The following GZMH variants were observed in gnomAD, a reference collection of about 807,000 sequenced individuals.
The protein encoded by GZMH is granzyme H.
In GZMH, 24 loss-of-function variants were observed where a neutral mutation model predicts 20.7. The observed-to-expected ratio is 1.16, with a 90% CI of 0.84 to 1.63. The LOEUF is 1.63. Among genes scored for constraint, GZMH ranks in the 40% most tolerant of loss-of-function variants. The pLI is 0.00. For missense variants in GZMH, 344 were observed against 302.7 expected (o/e 1.14, Z -1.01); for synonymous variants, 119 against 116.1 (o/e 1.02, Z -0.16).
Position 24,607,180 on chromosome 14 carries a change from C to T in GZMH, c.566G>A (p.Gly189Glu). The change falls in exon 4 of 5, where the codon GGG (glycine) becomes GAG (glutamate). Residue 189 changes from glycine to glutamate, a missense_variant. By Grantham distance (98) the Gly-to-Glu change is moderately conservative. Transcript: ENST00000216338. ...ACCGGTCTGTGTCTTCTTTGGATCC[C>T]CCACACAAATCTCAGTGGCTCTGCT... is the stretch of plus-strand genomic sequence containing the variant. ...NYSRATEICV[G>E]DPKKTQTGFK... The T allele has an allele frequency of 6.2e-7, 1 of 1,613,884 alleles. No individual in the cohort carries two copies. Among genetic ancestry groups the T allele is most frequent in the Non-Finnish European group, 8.5e-7 (1 of 1,179,826 alleles).
rs755059088 is a variant in GZMH at position 24,607,618 on chromosome 14, T to C, written c.333A>G (p.Leu111=). Residue 111 remains leucine, a synonymous_variant, in exon 3 of 5, where the codon CTA becomes CTG. Transcript: ENST00000216338. ...TGGCAGGAGTGTGCCTCACCTGCAG[T>C]AGCATGATGTCGTTGGAGAAGTTCT... ...NPKNFSNDIM[L]LQLERKAKWT... 1.2e-6 allele frequency: 2 copies of C among 1,612,376 alleles called. No homozygotes were observed. The highest frequency in any genetic ancestry group is 3.3e-5 in the Admixed American group (2 of 60,012).
Position 24,607,632 on chromosome 14 carries a change from T to C in GZMH, c.319A>G (p.Asn107Asp). Residue 107 changes from asparagine (N) to aspartate (D), a missense_variant, in exon 3 of 5, where the codon AAC (asparagine) becomes GAC (aspartate). Coordinates refer to ENST00000216338, the MANE Select transcript of GZMH (RefSeq NM_033423.5). ...HPAYNPKNFS[N>D]DIMLLQLERK... ...CTCACCTGCAGTAGCATGATGTCGT[T>C]GGAGAAGTTCTTAGGATTATAGGCT... 6.2e-7 allele frequency: 1 copy of C among 1,612,732 alleles called. No individual in the cohort carries two copies. The highest frequency in any genetic ancestry group is 1.7e-5 in the Admixed American group (1 of 60,014).
chr14:24,608,527 G>T, intron 1 of GZMH, 115 bp from the exon 2 acceptor site: 1 of 1,170,242 alleles, frequency 8.5e-7, no homozygotes, highest in Non-Finnish European at 1.2e-6. Context: ...CAGTGAGGGA[G>T]GGGTCCTCCT....
At position 24,608,396 on chromosome 14, in the gene GZMH, G is replaced by T; in HGVS notation, c.72C>A (p.Gly24=). ...PGAGTEEIIG[G]HEAKPHSRPY... Reference sequence around the variant, plus strand: ...GGCGGGAGTGGGGCTTGGCCTCATGGCCCCCGATGATCTCCTCTGAAAGGA... The same window carrying T: ...GGCGGGAGTGGGGCTTGGCCTCATGTCCCCCGATGATCTCCTCTGAAAGGA... Residue 24 remains glycine (G), a synonymous_variant, in exon 2 of 5, where the codon GGC becomes GGA. Transcript: ENST00000216338. 2 of 1,614,078 alleles carry T rather than the reference G, an allele frequency of 1.2e-6. No homozygotes were observed. Among genetic ancestry groups the T allele is most frequent in the South Asian group, 2.2e-5 (2 of 91,078 alleles).
chr14:24,609,505 A>C, intron 1 of GZMH, 54 bp downstream of exon 1: 2 of 1,195,452 alleles, frequency 1.7e-6, no homozygotes, highest in Non-Finnish European at 2.4e-6. Context: ...GCTCATGGGT[A>C]CAGGGTATCT....
chr14:24,608,348 A>C lies in GZMH; in HGVS notation c.120T>G (p.Phe40Leu), dbSNP rs761913424. ...ACCTCTTCCGACTCTTCTCTTGCAG[A>C]AACTGAACAAAGGCCATGTAGGGGC... Reference protein sequence around the residue: ...HSRPYMAFVQFLQEKSRKRCG... With the variant: ...HSRPYMAFVQLLQEKSRKRCG... The change falls in exon 2 of 5, where the codon TTT becomes TTG. Residue 40 changes from phenylalanine to leucine, a missense_variant. Transcript: ENST00000216338. 2 of 1,614,112 alleles carry C rather than the reference A, an allele frequency of 1.2e-6. No individual in the cohort carries two copies. Among genetic ancestry groups the C allele is most frequent in the African/African-American group, 1.3e-5 (1 of 74,936 alleles).
rs1206532310 is a variant in GZMH, at chr14:24,608,163, T to G, written c.203+102A>C. The G allele has an allele frequency of 4.0e-6, 5 of 1,263,664 alleles. No homozygotes were observed. In the Admixed American group the frequency reaches 5.6e-5, roughly 14 times the overall value. 78.3% of individuals were successfully genotyped at this position (1,263,664 alleles called of 1,614,324 possible). ...GCTCCGATGAGCTTTCATGGGCTTG[T>G]GTTACCAGGAACTCTGGAAGCTCCC... On this transcript the variant is annotated intron_variant, in intron 2 of 4. Coordinates refer to ENST00000216338, the MANE Select transcript of GZMH (RefSeq NM_033423.5).
chr14:24,608,390 C>T lies in GZMH; in HGVS notation c.78G>A (p.Glu26=), dbSNP rs768037447. 3.7e-6 allele frequency: 6 copies of T among 1,614,098 alleles called. No individual in the cohort carries two copies. The African/African-American group carries it at 5.3e-5, about 14-fold the overall frequency. Residue 26 remains glutamate (E), a synonymous_variant, in exon 2 of 5, where the codon GAG becomes GAA. Transcript: ENST00000216338. The stretch of plus-strand genomic sequence containing the variant: ...TGTAGGGGCGGGAGTGGGGCTTGGC[C>T]TCATGGCCCCCGATGATCTCCTCTG... ...AGTEEIIGGH[E]AKPHSRPYMA...
intron 1 of GZMH, 32 bp downstream of exon 1, chr14:24,609,527 T>C: frequency 2.0e-6 from 3 of 1,528,894 alleles, no homozygotes; most frequent in African/African-American, 1.4e-5. Context: ...ATAAGATGGG[T>C]TCAGGCCTCT....
At chr14:24,609,365 A>G (rs2066895187) in intron 1 of GZMH, among the ~76,000 whole-genome samples, 194 bp downstream of exon 1, 1 of 152,196 alleles carries the variant, frequency 6.6e-6, no homozygotes. Flanking sequence ...GGAGAGGCTA[A>G]CACCCATTAA....
Position 24,609,564 on chromosome 14 carries a change from C to T in GZMH, c.50G>A (p.Gly17Glu), listed in dbSNP as rs1166946659. The change falls in exon 1 of 5, where the codon GGG becomes GAG. Residue 17 changes from glycine (G) to glutamate (E), a missense_variant. Physicochemically the swap from Gly to Glu is moderately conservative, Grantham distance 98. Coordinates refer to ENST00000216338, the MANE Select transcript of GZMH (RefSeq NM_033423.5). ...GAATAGGGATAGTCACTTACCTGTC[C>T]CAGCCCCAGGGGTCAGAAGAAAGGC... is the stretch of plus-strand genomic sequence containing the variant. The part of the protein sequence containing the change: ...LLAFLLTPGA[G>E]TEEIIGGHEA... The T allele has an allele frequency of 3.1e-6, 5 of 1,606,594 alleles. No homozygotes were observed. Among genetic ancestry groups the T allele is most frequent in the Non-Finnish European group, 4.3e-6 (5 of 1,175,960 alleles).
chr14:24,609,661 C>A lies in GZMH; in HGVS notation c.-48G>T. The A allele has an allele frequency of 1.4e-6, 2 of 1,407,554 alleles. No homozygotes were observed. The highest frequency in any genetic ancestry group is 1.7e-5 in the Admixed American group (1 of 57,152). The allele number at this position is 1,407,554 out of a possible 1,614,324, so 87.2% of individuals were successfully genotyped here. On this transcript the variant is annotated 5_prime_UTR_variant, in exon 1 of 5. Coordinates refer to ENST00000216338, the MANE Select transcript of GZMH (RefSeq NM_033423.5). ...TCAGAGCTGTTGGTGTTGACTCCTT[C>A]CAGAAACAAATGCTGGAGGGAGATG...
At chr14:24,608,584 A>G (rs962194191) in intron 1 of GZMH, among the ~76,000 whole-genome samples, 172 bp from the exon 2 acceptor site, 1 of 152,190 alleles carries the variant, frequency 6.6e-6, no homozygotes, top group Non-Finnish European at 1.5e-5. Flanking sequence ...GCTTTTCTGA[A>G]CTTTAAGTCT....
intron 1 of GZMH, among the ~76,000 whole-genome samples, chr14:24,608,659 T>A (rs1244100403): frequency 6.6e-6 from 1 of 152,218 alleles, no homozygotes; most frequent in Non-Finnish European, 1.5e-5. Context: ...GAAACACACA[T>A]GGAGGAAGAA....
chr14:24,607,142 A>G lies in GZMH; in HGVS notation c.597+7T>C. ...TGGTCTTTCTGGGTAGAGGCTGGAA[A>G]CCCAACCTTGAAACCGGTCTGTGTC... is the stretch of plus-strand genomic sequence containing the variant. On this transcript the variant is annotated splice_region_variant and intron_variant, in intron 4 of 4. Coordinates refer to ENST00000216338, the MANE Select transcript of GZMH (RefSeq NM_033423.5). 6.2e-7 allele frequency: 1 copy of G among 1,608,712 alleles called. No homozygotes were observed.
Position 24,606,581 on chromosome 14 carries a change from A to C in GZMH, c.*22T>G, listed in dbSNP as rs1284429242. 6.2e-7 allele frequency: 1 copy of C among 1,606,944 alleles called. No homozygotes were observed. The highest frequency in any genetic ancestry group is 1.1e-5 in the South Asian group (1 of 89,870). On this transcript the variant is annotated 3_prime_UTR_variant, in exon 5 of 5. Coordinates refer to ENST00000216338, the MANE Select transcript of GZMH (RefSeq NM_033423.5). Reference sequence around the variant, plus strand: ...TCCCAGAGATGGTCAGGCCCAGAGGAAGGTTAGTCTCATGCCTGCTGTTAG... The same window carrying C: ...TCCCAGAGATGGTCAGGCCCAGAGGCAGGTTAGTCTCATGCCTGCTGTTAG...
At chr14:24,607,015 A>T (rs1241952832) in intron 4 of GZMH, 134 bp downstream of exon 4, 3 of 938,174 alleles carry the variant, frequency 3.2e-6, no homozygotes, top group Non-Finnish European at 3.3e-6. Context: ...TGGACTAAAG[A>T]CTAGATTCCA....
In GZMH at chr14:24,607,695, G is replaced by T; in HGVS notation, c.256C>A (p.Gln86Lys). ...AHNIKEQERTQQFIPVKRPIP... is the reference protein window; with the variant it reads ...AHNIKEQERTKQFIPVKRPIP... ...GGTCTTTTCACAGGGATAAACTGCTGGGTCCGCTCCTGTTCCTTGATATTG... is the reference window on the plus strand; with the variant it reads ...GGTCTTTTCACAGGGATAAACTGCTTGGTCCGCTCCTGTTCCTTGATATTG... The change falls in exon 3 of 5, where the codon CAG becomes AAG. Residue 86 changes from glutamine to lysine, a missense_variant. Physicochemically the swap from Gln to Lys is moderately conservative, Grantham distance 53. Transcript: ENST00000216338. 6.2e-7 allele frequency: 1 copy of T among 1,613,944 alleles called. No individual in the cohort carries two copies. The highest frequency in any genetic ancestry group is 8.5e-7 in the Non-Finnish European group (1 of 1,179,894).
rs140511115 is a variant in GZMH, at chr14:24,607,459, C to T, written c.340-53G>A. ...GGTCAGGCAATGGCCTTCTGGGCCCCGACACAGTGATGGGGCTGCACAATC... is the reference window on the plus strand; with the variant it reads ...GGTCAGGCAATGGCCTTCTGGGCCCTGACACAGTGATGGGGCTGCACAATC... On this transcript the variant is annotated intron_variant, in intron 3 of 4. Coordinates refer to ENST00000216338, the MANE Select transcript of GZMH (RefSeq NM_033423.5). 39 of 1,574,816 alleles carry T rather than the reference C, an allele frequency of 2.5e-5. No individual in the cohort carries two copies. In the East Asian group the frequency reaches 4.7e-4, roughly 19 times the overall value.
Sources: gnomAD v4.1 joint callset for allele counts (sites outside exome capture counted in the v4.1 genomes callset) on GRCh38, gnomAD v4.1.1 for gene constraint, MANE v1.5 for transcripts, NCBI Gene and HGNC (gene_info 2026-07-23, HGNC 2026-07-21) for gene names.